PDILT: variants seen among roughly 807,000 people sequenced by gnomAD.
PDILT encodes the protein protein disulfide isomerase like, testis expressed.
A neutral mutation model predicts 53.7 loss-of-function variants in PDILT; 43 were observed. The observed-to-expected ratio is 0.80, with a 90% CI of 0.63 to 1.03. The LOEUF is 1.03. Among genes scored for constraint, PDILT ranks in the 50% least tolerant of loss-of-function variants. The pLI, the probability that PDILT is intolerant of heterozygous loss-of-function variation, is 0.00. For synonymous variants in PDILT, 282 were observed against 274.2 expected, an observed-to-expected ratio of 1.03 and a Z score of -0.28; for missense variants, 727 against 712.3, an observed-to-expected ratio of 1.02 and a Z score of -0.24.
At position 20,362,385 on chromosome 16, in the gene PDILT, C is replaced by T. The variant is rs112178426; in HGVS notation, c.1416+19G>A. The T allele has an allele frequency of 2.0e-4, 323 of 1,611,950 alleles. 1 individual carries two copies. The African/African-American group carries it at 3.1e-3, about 15-fold the overall frequency. ...ACATAACATTGTTTTCAGCCATGTG[C>T]GTCCCAAGAGCCCCTCACTTGTTGA... On this transcript the variant is annotated intron_variant, in intron 10 of 11. Coordinates refer to ENST00000302451, the MANE Select transcript of PDILT (RefSeq NM_174924.2).
chr16:20,367,293 G>T (rs911010991), intron 8 of PDILT, among the ~76,000 whole-genome samples: 1 of 151,828 alleles, frequency 6.6e-6, no homozygotes, highest in African/African-American at 2.4e-5. Flanking sequence ...TAGTAGAGAC[G>T]GGGTTTTACC....
At chr16:20,361,315 A>G (rs140682558) in intron 10 of PDILT, among the ~76,000 whole-genome samples, 9 of 151,062 alleles carry the variant, frequency 6.0e-5, no homozygotes, top group Admixed American at 2.0e-4. Flanking sequence ...TCTCCTGAGT[A>G]GCTGGGACTA....
chr16:20,403,121 T>TCTCCCTGTG lies in PDILT; in HGVS notation c.-8+1366_-8+1374dup, dbSNP rs574018907. On this transcript the variant is annotated intron_variant, in intron 1 of 11. Transcript: ENST00000302451. ...TCAACTGTGTGCATTCCCTCCACAT[T>TCTCCCTGTG]CTCCCTGTGTGCATTCTCCCTGTAT... Among the ~76,000 whole-genome samples, 33 of 152,132 alleles carry TCTCCCTGTG rather than the reference T, an allele frequency of 2.2e-4. No individual in the cohort carries two copies. In the South Asian group the frequency reaches 6.6e-3, roughly 31 times the overall value.
chr16:20,375,670 A>G (rs906220511), intron 4 of PDILT, among the ~76,000 whole-genome samples: 3 of 152,176 alleles, frequency 2.0e-5, no homozygotes, highest in Non-Finnish European at 4.4e-5. Flanking sequence ...GAATGAGTGC[A>G]TGTTTATCCT....
chr16:20,395,460 T>A (rs1264757320), intron 2 of PDILT, among the ~76,000 whole-genome samples: 4 of 152,190 alleles, frequency 2.6e-5, no homozygotes, highest in Non-Finnish European at 5.9e-5. Flanking sequence ...CTTGTGACCA[T>A]CAGTTTTAAT....
intron 10 of PDILT, 68 bp from the exon 11 acceptor site, chr16:20,360,725 C>T: frequency 8.3e-7 from 1 of 1,203,090 alleles, no homozygotes; most frequent in Admixed American, 1.7e-5. Context: ...GGATTGCTAC[C>T]TAGGTAAACC....
chr16:20,371,509 C>T (rs1364617754), intron 7 of PDILT, among the ~76,000 whole-genome samples: 1 of 152,170 alleles, frequency 6.6e-6, no homozygotes, highest in Non-Finnish European at 1.5e-5. Context: ...TAAATATTTG[C>T]TACCTTCTGT....
intron 9 of PDILT, among the ~76,000 whole-genome samples, chr16:20,364,071 C>T (rs547963041): frequency 5.1e-4 from 77 of 152,296 alleles, no homozygotes; most frequent in African/African-American, 1.7e-3. Context: ...TCTCTGGCAG[C>T]CCCCCTAGCA....
chr16:20,400,069 TATA>T lies in PDILT; in HGVS notation c.-7-765_-7-763del, dbSNP rs775950616. Among the ~76,000 whole-genome samples the T allele has an allele frequency of 8.9e-5, 12 of 135,340 alleles. 1 individual carries two copies. Among genetic ancestry groups the T allele is most frequent in the South Asian group, 2.3e-4 (1 of 4,326 alleles). 88.8% of individuals were successfully genotyped at this position (135,340 alleles called of 152,430 possible). A position where few individuals can be genotyped will look rare whatever the true frequency, so the allele number is the denominator to read the frequency against. On this transcript the variant is annotated intron_variant, in intron 1 of 11. Coordinates refer to ENST00000302451, the MANE Select transcript of PDILT (RefSeq NM_174924.2). ...ATCTATCTATCTATATATATATATA[TATA>T]TTTTTTGAGACGGAGTTTTGCTCTT...
intron 3 of PDILT, among the ~76,000 whole-genome samples, chr16:20,379,593 G>T (rs1166985751): frequency 6.6e-6 from 1 of 152,220 alleles, no homozygotes; most frequent in Non-Finnish European, 1.5e-5. Context: ...GGGATTCCAG[G>T]CATGAGTCAC....
At chr16:20,388,838 G>A (rs1166460082) in intron 2 of PDILT, 1 of 152,202 alleles carries the variant, frequency 6.6e-6, no homozygotes, top group African/African-American at 2.4e-5. Context: ...CTGGAACCTG[G>A]GAGGTGGAGG....
chr16:20,385,705 T>C (rs1966525410), intron 2 of PDILT, among the ~76,000 whole-genome samples: 1 of 152,024 alleles, frequency 6.6e-6, no homozygotes, highest in African/African-American at 2.4e-5. Flanking sequence ...TTCATCCCTG[T>C]AACCAAAAGC....
chr16:20,360,595 G>T lies in PDILT; in HGVS notation c.1479C>A (p.Ile493=). 6.2e-7 allele frequency: 1 copy of T among 1,613,946 alleles called. No individual in the cohort carries two copies. Among genetic ancestry groups the T allele is most frequent in the Non-Finnish European group, 8.5e-7 (1 of 1,179,856 alleles). The change falls in exon 11 of 12, where the codon ATC becomes ATA. Residue 493 remains isoleucine, a synonymous_variant. Transcript: ENST00000302451. The part of the protein sequence containing the change: ...KGFSDFLESH[I]KTKIEDEDEL... ...CATCCTCATCCTCAATCTTAGTTTT[G>T]ATGTGGCTTTCCAGGAAGTCAGAGA...
At chr16:20,379,039 T>C (rs1170946210) in intron 3 of PDILT, among the ~76,000 whole-genome samples, 1 of 151,560 alleles carries the variant, frequency 6.6e-6, no homozygotes, top group Non-Finnish European at 1.5e-5. Flanking sequence ...TTTGAGACAG[T>C]TTATCCTTCT....
intron 6 of PDILT, 42 bp from the exon 7 acceptor site, chr16:20,372,969 T>A (rs1233241839): frequency 6.2e-7 from 1 of 1,613,458 alleles, no homozygotes; most frequent in Non-Finnish European, 8.5e-7. Flanking sequence ...GCACACACAG[T>A]GGCCCCAGCT....
intron 2 of PDILT, among the ~76,000 whole-genome samples, chr16:20,388,294 G>A (rs569592141): frequency 6.6e-6 from 1 of 152,238 alleles, no homozygotes; most frequent in East Asian, 1.9e-4. Flanking sequence ...CATTACCCTG[G>A]TTAATCTTCA....
intron 2 of PDILT, among the ~76,000 whole-genome samples, chr16:20,394,119 G>A (rs921961588): frequency 6.6e-6 from 1 of 152,174 alleles, no homozygotes; most frequent in Non-Finnish European, 1.5e-5. Flanking sequence ...GGCACTAGGG[G>A]GTCTTGGCAT....
chr16:20,369,454 T>C (rs1297471108), intron 8 of PDILT, 38 bp downstream of exon 8: 1 of 1,573,382 alleles, frequency 6.4e-7, no homozygotes, highest in South Asian at 1.1e-5. Flanking sequence ...GAGATGATTT[T>C]GAGGTTCTGG....
chr16:20,397,603 C>T (rs912977434), intron 2 of PDILT, among the ~76,000 whole-genome samples: 5 of 152,128 alleles, frequency 3.3e-5, no homozygotes, highest in African/African-American at 7.2e-5. Context: ...CTACATTGCA[C>T]TGGTTGGACT....
Sources: allele counts gnomAD v4.1 joint callset (sites outside exome capture counted in the v4.1 genomes callset), GRCh38; gene constraint gnomAD v4.1.1; transcripts MANE v1.5; gene names NCBI Gene and HGNC (gene_info 2026-07-23, HGNC 2026-07-21).